NALF1: variants seen among roughly 807,000 people sequenced by gnomAD.
NALF1 encodes the protein family with sequence similarity 155 member A.
NALF1 carries 3 observed loss-of-function variants against 48.4 expected under a neutral mutation model. The ratio of observed to expected loss-of-function variants is 0.06; its 90% CI spans 0.03 to 0.16. The LOEUF is 0.16. NALF1 is among the 10% of genes least tolerant of loss of function. The pLI, the probability that NALF1 is intolerant of heterozygous loss-of-function variation, is 1.00. For missense variants in NALF1, 526 were observed against 571.5 expected, an observed-to-expected ratio of 0.92 and a Z score of 0.81; for synonymous variants, 262 against 245.7, an observed-to-expected ratio of 1.07 and a Z score of -0.62.
At chr13:107,617,746 G>A (rs960984068) in intron 1 of NALF1, among the ~76,000 whole-genome samples, 6 of 152,118 alleles carry the variant, frequency 3.9e-5, no homozygotes, top group Non-Finnish European at 7.3e-5. Context: ...CTTGTTTCAG[G>A]AGTGCTGACA....
rs572917234 is a variant in NALF1, at chr13:107,355,684, C to T, written c.916-144929G>A. On this transcript the variant is annotated intron_variant, in intron 1 of 2. Transcript: ENST00000375915. ...GCCACATGAAGACTTGCTTGCTTCC[C>T]TTTTGCCCTTCTACCATGATTGTAA... Among the ~76,000 whole-genome samples, 198 of 152,154 alleles carry T rather than the reference C, an allele frequency of 1.3e-3. 1 individual carries two copies. The highest frequency in any genetic ancestry group is 4.5e-3 in the African/African-American group (187 of 41,482).
intron 1 of NALF1, among the ~76,000 whole-genome samples, chr13:107,758,250 G>A (rs918499443): frequency 6.6e-6 from 1 of 152,214 alleles, no homozygotes; most frequent in African/African-American, 2.4e-5. Context: ...TTCTACATAA[G>A]TGTGGGTGTT....
intron 1 of NALF1, chr13:107,466,096 C>A (rs1203404921): frequency 6.6e-6 from 1 of 152,592 alleles, no homozygotes; most frequent in African/African-American, 2.4e-5. Context: ...AAGAGAAGAA[C>A]TTGTGCAGGG....
intron 1 of NALF1, among the ~76,000 whole-genome samples, chr13:107,850,173 G>A (rs962238748): frequency 6.6e-6 from 1 of 152,048 alleles, no homozygotes; most frequent in Admixed American, 6.6e-5. Flanking sequence ...AAATTGGCCC[G>A]GCATTATCAC....
intron 1 of NALF1, among the ~76,000 whole-genome samples, chr13:107,299,468 TAATAAATA>T (rs201700893): frequency 0.097 from 5,723 of 59,090 alleles, 167 homozygotes; most frequent in East Asian, 0.32. Flanking sequence ...ATAATAATAA[TAATAAATA>T]AATAAATAAA....
At chr13:107,739,581 T>C (rs962916614) in intron 1 of NALF1, among the ~76,000 whole-genome samples, 1 of 151,986 alleles carries the variant, frequency 6.6e-6, no homozygotes, top group Non-Finnish European at 1.5e-5. Context: ...CAATGACTAA[T>C]GCCATGGACA....
At position 107,657,171 on chromosome 13, in the gene NALF1, T is replaced by TAAA. The variant is rs11435074; in HGVS notation, c.915+208508_915+208510dup. Among the ~76,000 whole-genome samples the TAAA allele has an allele frequency of 2.7e-5, 4 of 150,100 alleles. No individual in the cohort carries two copies. In the East Asian group the frequency reaches 7.9e-4, roughly 29 times the overall value. On this transcript the variant is annotated intron_variant, in intron 1 of 2. Transcript: ENST00000375915. ...CCTGTTCGCCAAAAACCTATTGAAA[T>TAAA]AAAAAAAAAATTAAACAAAAATTTA... is the stretch of plus-strand genomic sequence containing the variant.
chr13:107,559,953 G>A (rs574234673), intron 1 of NALF1, among the ~76,000 whole-genome samples: 4 of 151,968 alleles, frequency 2.6e-5, no homozygotes, highest in East Asian at 3.9e-4. Flanking sequence ...GGGATCCACC[G>A]GCCGAGGAAG....
intron 1 of NALF1, among the ~76,000 whole-genome samples, chr13:107,324,477 T>TG (rs201780400): frequency 0.01 from 1,551 of 152,132 alleles, 11 homozygotes; most frequent in Admixed American, 0.015. Context: ...TTTCTGGGAG[T>TG]GGGGGGAAGA....
At chr13:107,594,260 CT>C (rs1348185289) in intron 1 of NALF1, among the ~76,000 whole-genome samples, 2 of 152,016 alleles carry the variant, frequency 1.3e-5, no homozygotes, top group African/African-American at 4.8e-5. Context: ...ATCAATTCCC[CT>C]ATTAACACTC....
At chr13:107,455,953 G>A (rs2139039014) in intron 1 of NALF1, among the ~76,000 whole-genome samples, 1 of 151,868 alleles carries the variant, frequency 6.6e-6, no homozygotes, top group Non-Finnish European at 1.5e-5. Context: ...TTAATGGCTT[G>A]GGCAATTATG....
At chr13:107,469,900 C>T (rs940079305) in intron 1 of NALF1, among the ~76,000 whole-genome samples, 10 of 151,674 alleles carry the variant, frequency 6.6e-5, no homozygotes, top group African/African-American at 9.7e-5. Context: ...CCTGCCACCA[C>T]GCCCGGCTAA....
rs193293611 is a variant in NALF1, at chr13:107,283,065, G to A, written c.916-72310C>T. On this transcript the variant is annotated intron_variant, in intron 1 of 2. Transcript: ENST00000375915. Reference sequence around the variant, plus strand: ...ACGGTCAGTACAGAGGAACGGACGGGAGCCCTAAGGAGTTGATGAGGAGTC... The same window carrying A: ...ACGGTCAGTACAGAGGAACGGACGGAAGCCCTAAGGAGTTGATGAGGAGTC... Among the ~76,000 whole-genome samples, 536 of 152,248 alleles carry A rather than the reference G, an allele frequency of 3.5e-3. 2 individuals carry two copies. Among genetic ancestry groups the A allele is most frequent in the African/African-American group, 0.012 (519 of 41,542 alleles).
At chr13:107,835,973 G>A (rs929578038) in intron 1 of NALF1, among the ~76,000 whole-genome samples, 1 of 152,072 alleles carries the variant, frequency 6.6e-6, no homozygotes. Context: ...GAGCCGGTCT[G>A]CTTTTTTGTA....
chr13:107,204,340 G>A (rs759479147), intron 2 of NALF1, among the ~76,000 whole-genome samples: 8 of 152,340 alleles, frequency 5.3e-5, no homozygotes, highest in East Asian at 1.9e-4. Flanking sequence ...CATCTAGCTC[G>A]GGCCTCTGCT....
chr13:107,264,529 ATTGT>A (rs1166984626), intron 1 of NALF1, among the ~76,000 whole-genome samples: 1 of 152,220 alleles, frequency 6.6e-6, no homozygotes, highest in Non-Finnish European at 1.5e-5. Flanking sequence ...TTCACTAAAA[ATTGT>A]TTGGTCAGAA....
rs1878647317 is a variant in NALF1, at chr13:107,165,911, T to C, written c.*4586A>G. ...TGGTTTTTAAATGACCATGCTGCTC[T>C]AACTTTGACAAACAAGTAGGATCAT... On this transcript the variant is annotated 3_prime_UTR_variant, in exon 3 of 3. Transcript: ENST00000375915. 1 of 152,176 alleles carries C rather than the reference T, an allele frequency of 6.6e-6. No individual in the cohort carries two copies. The highest frequency in any genetic ancestry group is 1.5e-5 in the Non-Finnish European group (1 of 68,030). 9.4% of individuals were successfully genotyped at this position (152,176 alleles called of 1,614,324 possible). A position where few individuals can be genotyped will look rare whatever the true frequency, so the allele number is the denominator to read the frequency against.
chr13:107,281,356 T>C (rs1409877363), intron 1 of NALF1, among the ~76,000 whole-genome samples: 1 of 152,148 alleles, frequency 6.6e-6, no homozygotes, highest in Admixed American at 6.5e-5. Flanking sequence ...GCAGAAAAAC[T>C]ATCATAGAAA....
rs1880741254 is a variant in NALF1, at chr13:107,866,663, T to A, written c.-67A>T. The A allele has an allele frequency of 1.5e-6, 2 of 1,333,524 alleles. No individual in the cohort carries two copies. The allele number at this position is 1,333,524 out of a possible 1,614,324, so 82.6% of individuals were successfully genotyped here. The stretch of plus-strand genomic sequence containing the variant: ...CGCCTGTGCCGGTGTCACCACAATA[T>A]GCATTGACTTAAAGGGTTTAATTTC... On this transcript the variant is annotated 5_prime_UTR_variant, in exon 1 of 3. Coordinates refer to ENST00000375915, the MANE Select transcript of NALF1 (RefSeq NM_001080396.3). This position sits in a 1 kb window ranked among gnomAD's most constrained non-coding sequence, Gnocchi z 4.4.
Sources: gnomAD v4.1 joint callset for allele counts (sites outside exome capture counted in the v4.1 genomes callset) on GRCh38, gnomAD v4.1.1 for gene constraint, Gnocchi (gnomAD v3.1) non-coding constraint, MANE v1.5 for transcripts, NCBI Gene and HGNC (gene_info 2026-07-23, HGNC 2026-07-21) for gene names.